Variants in CWH43 observed in about 807,000 individuals in gnomAD.
CWH43 encodes the protein PGAP2-interacting protein.
A neutral mutation model predicts 85.7 loss-of-function variants in CWH43; 91 were observed. The observed-to-expected ratio is 1.06, with a 90% confidence interval of 0.90 to 1.26. The LOEUF (loss-of-function observed/expected upper bound fraction) is 1.26, where lower values mean the gene tolerates loss of function less well. CWH43 is among the 50% of genes most tolerant of loss of function. The pLI is 0.00. For synonymous variants in CWH43, 323 were observed against 293.6 expected (o/e 1.10, Z -1.02); for missense variants, 869 against 839.2 (o/e 1.04, Z -0.44).
intron 12 of CWH43, among the ~76,000 whole-genome samples, chr4:49,034,767 T>C (rs1560506504): frequency 6.6e-6 from 1 of 152,196 alleles, no homozygotes; most frequent in African/African-American, 2.4e-5. Context: ...TTAACTACCT[T>C]GAGCTTTAGT....
chr4:49,061,844 A>C lies in CWH43; in HGVS notation c.2054A>C (p.Glu685Ala). The stretch of plus-strand genomic sequence containing the variant: ...TCCTACAAAGAAGGACACAATTATG[A>C]AAACAACCATCATTTTCATATGAAT... ...FGSYKEGHNY[E>A]NNHHFHMNTP... Residue 685 changes from glutamate to alanine, a missense_variant, in exon 16 of 16, where the codon GAA (glutamate) becomes GCA (alanine). Around this residue, in one of 3 missense-constraint regions of CWH43, gnomAD observed 577 missense variants for 513.1 expected, o/e 1.12. Transcript: ENST00000226432. The C allele has an allele frequency of 7.1e-7, 1 of 1,399,538 alleles. No individual in the cohort carries two copies. Among genetic ancestry groups the C allele is most frequent in the Non-Finnish European group, 9.5e-7 (1 of 1,052,708 alleles). 86.7% of individuals were successfully genotyped at this position (1,399,538 alleles called of 1,614,324 possible). A position where few individuals can be genotyped will look rare whatever the true frequency, so the allele number is the denominator to read the frequency against.
At chr4:49,036,693 C>A (rs1784271211) in intron 12 of CWH43, among the ~76,000 whole-genome samples, 1 of 152,200 alleles carries the variant, frequency 6.6e-6, no homozygotes, top group African/African-American at 2.4e-5. Flanking sequence ...TTGCAGAGAA[C>A]TGCATTTCCC....
chr4:48,999,327 A>G (rs141243380), intron 6 of CWH43, among the ~76,000 whole-genome samples: 376 of 152,246 alleles, frequency 2.5e-3, no homozygotes, highest in Admixed American at 3.4e-3. Context: ...TTTACCATTG[A>G]TGGGCATTTA....
At chr4:49,045,352 C>T (rs1261602276) in intron 14 of CWH43, among the ~76,000 whole-genome samples, 1 of 152,102 alleles carries the variant, frequency 6.6e-6, no homozygotes, top group Non-Finnish European at 1.5e-5. Flanking sequence ...CCGAGTATAT[C>T]ACATACATGC....
chr4:49,041,219 C>A (rs554551741), intron 13 of CWH43, among the ~76,000 whole-genome samples: 1 of 152,128 alleles, frequency 6.6e-6, no homozygotes, highest in African/African-American at 2.4e-5. Context: ...ATTGACTTGG[C>A]AATGCGGGCT....
chr4:49,007,352 A>G, intron 8 of CWH43, 26 bp downstream of exon 8: 1 of 1,514,744 alleles, frequency 6.6e-7, no homozygotes, highest in East Asian at 2.5e-5. Context: ...CATTCTTAAA[A>G]AAAATTAATT....
At position 48,994,808 on chromosome 4, in the gene CWH43, C is replaced by G; in HGVS notation, c.701C>G (p.Pro234Arg). 6.2e-7 allele frequency: 1 copy of G among 1,613,908 alleles called. No individual in the cohort carries two copies. The highest frequency in any genetic ancestry group is 1.1e-5 in the South Asian group (1 of 91,044). The stretch of plus-strand genomic sequence containing the variant: ...GGGCATCCACATCCAGGGCCAGATC[C>G]TAACCCATTTGGGTGAGTTTGGGTT... ...VSGHPHPGPD[P>R]NPFGGAVLLC... is the part of the protein sequence containing the mutation. Residue 234 changes from proline (P) to arginine (R), a missense_variant, in exon 5 of 16, where the codon CCT becomes CGT. This residue lies in a region of CWH43 where 152 missense variants were observed against 203.6 expected (regional missense o/e 0.75). Coordinates refer to ENST00000226432, the MANE Select transcript of CWH43 (RefSeq NM_025087.3).
At chr4:48,987,559 CTTAG>C (rs1055305592) in intron 1 of CWH43, among the ~76,000 whole-genome samples, 2 of 152,072 alleles carry the variant, frequency 1.3e-5, no homozygotes, top group African/African-American at 2.4e-5. Context: ...TTTGTTCTTG[CTTAG>C]TTAGTTTTTG....
At chr4:49,041,114 G>T (rs1784447403) in intron 13 of CWH43, among the ~76,000 whole-genome samples, 1 of 152,048 alleles carries the variant, frequency 6.6e-6, no homozygotes, top group Admixed American at 6.6e-5. Context: ...TCTCTGTTTT[G>T]GTACCAGTAC....
chr4:49,039,684 A>C (rs2109821782), intron 13 of CWH43, among the ~76,000 whole-genome samples: 1 of 151,096 alleles, frequency 6.6e-6, no homozygotes, highest in South Asian at 2.1e-4. Context: ...CATGATGAGA[A>C]TTTTCTGCAT....
intron 15 of CWH43, among the ~76,000 whole-genome samples, chr4:49,056,049 A>C (rs1270827659): frequency 7.4e-6 from 1 of 135,978 alleles, no homozygotes; most frequent in Non-Finnish European, 1.6e-5. Context: ...ATATCTCCCA[A>C]TGCTATCCCT....
intron 9 of CWH43, among the ~76,000 whole-genome samples, chr4:49,018,165 G>A (rs1296368183): frequency 6.6e-6 from 1 of 152,070 alleles, no homozygotes; most frequent in Non-Finnish European, 1.5e-5. Flanking sequence ...CAGATCTCAT[G>A]AGAACTCACT....
intron 10 of CWH43, among the ~76,000 whole-genome samples, chr4:49,029,347 G>T (rs1784018533): frequency 2.0e-5 from 3 of 152,310 alleles, no homozygotes; most frequent in South Asian, 2.1e-4. Context: ...CTTGGTAAAA[G>T]TCATCGCCAT....
intron 13 of CWH43, among the ~76,000 whole-genome samples, chr4:49,041,748 C>A (rs1784469791): frequency 6.6e-6 from 1 of 152,130 alleles, no homozygotes; most frequent in African/African-American, 2.4e-5. Context: ...GGACTCTGTT[C>A]CCAAACCAGC....
At chr4:49,026,387 G>A (rs1415002046) in intron 9 of CWH43, among the ~76,000 whole-genome samples, 1 of 152,182 alleles carries the variant, frequency 6.6e-6, no homozygotes, top group African/African-American at 2.4e-5. Flanking sequence ...GGCTTTCTTG[G>A]CATGTTCCTG....
intron 14 of CWH43, among the ~76,000 whole-genome samples, chr4:49,050,472 G>T (rs543404862): frequency 6.6e-6 from 1 of 152,254 alleles, no homozygotes; most frequent in African/African-American, 2.4e-5. Context: ...GCTAAGAATA[G>T]TTACTTAATT....
chr4:49,056,567 G>T (rs1325048618), intron 15 of CWH43, among the ~76,000 whole-genome samples: 2 of 151,608 alleles, frequency 1.3e-5, no homozygotes, highest in Non-Finnish European at 2.9e-5. Context: ...TTTTTTCTTA[G>T]TAAGTCTAGC....
At chr4:49,016,913 G>T in intron 8 of CWH43, 1 of 785,070 alleles carries the variant, frequency 1.3e-6, no homozygotes, top group African/African-American at 1.7e-5. Flanking sequence ...CTTTGATTAT[G>T]CCAGGGCTGA....
intron 6 of CWH43, 67 bp downstream of exon 6, chr4:48,998,615 C>T (rs781495269): frequency 2.9e-5 from 33 of 1,118,806 alleles, no homozygotes; most frequent in Middle Eastern, 3.9e-4. Context: ...TGCAAGCATG[C>T]GCAACTCGAC....
Sources: gnomAD v4.1 joint callset for allele counts (sites outside exome capture counted in the v4.1 genomes callset) on GRCh38, gnomAD v4.1.1 for gene constraint, gnomAD v4.1.1 regional missense constraint, MANE v1.5 for transcripts, NCBI Gene and HGNC (gene_info 2026-07-23, HGNC 2026-07-21) for gene names.